Variants in STMN4 observed in about 807,000 individuals in gnomAD.
STMN4 encodes the protein stathmin 4, also known as stathmin-4.
A neutral mutation model predicts 29.1 loss-of-function variants in STMN4; 12 were observed. That is an observed-to-expected ratio of 0.41 (90% CI 0.26 to 0.67). STMN4 has a LOEUF of 0.67. STMN4 is among the 30% of genes least tolerant of loss of function. STMN4 has a pLI of 0.30. For synonymous variants in STMN4, 114 were observed against 105.3 expected (o/e 1.08, Z -0.51); for missense variants, 181 against 262.8 (o/e 0.69, Z 2.15).
chr8:27,242,611 G>GTTTGGGATC (rs1801509197), intron 2 of STMN4, 119 bp from the exon 3 acceptor site: 1 of 919,054 alleles, frequency 1.1e-6, no homozygotes, highest in Non-Finnish European at 1.7e-6. Flanking sequence ...AACCACGCAG[G>GTTTGGGATC]CACACGCCAA....
Position 27,243,762 on chromosome 8 carries a change from CAG to C in STMN4, c.-41_-40del. 6.2e-7 allele frequency: 1 copy of C among 1,614,092 alleles called. No individual in the cohort carries two copies. The highest frequency in any genetic ancestry group is 8.5e-7 in the Non-Finnish European group (1 of 1,180,014). On this transcript the variant is annotated 5_prime_UTR_variant, in exon 2 of 7. Transcript: ENST00000350889. ...GGTGGCTGAATCTAGCTGAAAGTTA[CAG>C]AGTGGGTCTGTCACCAGCTTGGGAC...
intron 2 of STMN4, 65 bp from the exon 3 acceptor site, chr8:27,242,557 G>C: frequency 6.5e-7 from 1 of 1,537,686 alleles, no homozygotes. Flanking sequence ...GCGTCCTCAC[G>C]GGTCTGGGGC....
intron 2 of STMN4, 32 bp from the exon 3 acceptor site, chr8:27,242,524 G>A (rs1226037424): frequency 3.1e-6 from 5 of 1,600,740 alleles, no homozygotes; most frequent in East Asian, 2.2e-5. Context: ...TGAGGATGGC[G>A]CCTCTCCTAG....
rs765022044 is a variant in STMN4 at position 27,243,735 on chromosome 8, CT to C, written c.-13del. 2 of 1,614,112 alleles carry C rather than the reference CT, an allele frequency of 1.2e-6. No individual in the cohort carries two copies. Among genetic ancestry groups the C allele is most frequent in the Admixed American group, 3.3e-5 (2 of 60,006 alleles). On this transcript the variant is annotated 5_prime_UTR_variant, in exon 2 of 7. Transcript: ENST00000350889. ...CCAGCAAGGGTCATGTTTCTGGGAT[CT>C]GGTGGCTGAATCTAGCTGAAAGTTA...
chr8:27,239,233 C>T (rs772461521), intron 6 of STMN4: 39 of 1,535,406 alleles, frequency 2.5e-5, no homozygotes, highest in Middle Eastern at 3.3e-4. Flanking sequence ...CACCATGGGA[C>T]GAGGCCACCG....
intron 1 of STMN4, among the ~76,000 whole-genome samples, chr8:27,251,241 A>C (rs1300089220): frequency 1.3e-5 from 2 of 151,034 alleles, no homozygotes; most frequent in African/African-American, 4.9e-5. Flanking sequence ...TGAAAGAGTG[A>C]GACTTCATCT....
At chr8:27,248,608 TAAC>T (rs1183795076) in intron 1 of STMN4, among the ~76,000 whole-genome samples, 1 of 151,126 alleles carries the variant, frequency 6.6e-6, no homozygotes, top group Non-Finnish European at 1.5e-5. Context: ...ATAGCAATAA[TAAC>T]AACTACCATT....
At chr8:27,242,579 C>T (rs1801508186) in intron 2 of STMN4, 87 bp from the exon 3 acceptor site, 1 of 1,393,834 alleles carries the variant, frequency 7.2e-7, no homozygotes, top group Non-Finnish European at 1.0e-6. Context: ...CTGAGCAGCC[C>T]AGGGTTCCAT....
chr8:27,236,832 T>C lies in STMN4; in HGVS notation c.*14A>G, dbSNP rs1226064495. On this transcript the variant is annotated 3_prime_UTR_variant, in exon 7 of 7. Transcript: ENST00000350889. ...CTGTCCGGCTGACCTGGAAAGTTCT[T>C]TGGCCTCTAGGCTTTACCTGGAGGC... 1.3e-6 allele frequency: 2 copies of C among 1,594,460 alleles called. No homozygotes were observed. The highest frequency in any genetic ancestry group is 1.8e-5 in the Admixed American group (1 of 56,724).
intron 6 of STMN4, chr8:27,239,474 A>G (rs925973917): frequency 8.5e-5 from 59 of 695,896 alleles, no homozygotes; most frequent in Non-Finnish European, 1.3e-4. Context: ...AAGGCAACAT[A>G]TTGGAAAGAC....
At position 27,243,797 on chromosome 8, in the gene STMN4, C is replaced by G; in HGVS notation, c.-74G>C. 1 of 1,614,026 alleles carries G rather than the reference C, an allele frequency of 6.2e-7. No individual in the cohort carries two copies. Among genetic ancestry groups the G allele is most frequent in the South Asian group, 1.1e-5 (1 of 91,062 alleles). On this transcript the variant is annotated 5_prime_UTR_variant, in exon 2 of 7. Transcript: ENST00000350889. The stretch of plus-strand genomic sequence containing the variant: ...CTGTCACCAGCTTGGGACGCTGTCA[C>G]CAACCTGAGAAAAGGGGAGGACAGG...
intron 1 of STMN4, 57 bp from the exon 2 acceptor site, chr8:27,243,858 T>C (rs1801549101): frequency 6.6e-7 from 1 of 1,504,272 alleles, no homozygotes; most frequent in Non-Finnish European, 9.2e-7. Context: ...GTTATTCTCA[T>C]AAGAAAGGTC....
At position 27,241,733 on chromosome 8, in the gene STMN4, C is replaced by T; in HGVS notation, c.134G>A (p.Arg45Lys). The change falls in exon 4 of 7, where the codon AGG (arginine) becomes AAG (lysine). Residue 45 changes from arginine (R) to lysine (K), a missense_variant. Arg to Lys is a conservative substitution (Grantham distance 26). Coordinates refer to ENST00000350889, the MANE Select transcript of STMN4 (RefSeq NM_030795.4). The part of the protein sequence containing the change: ...YEGWCGRQCR[R>K]KDESQRKDSA... The stretch of plus-strand genomic sequence containing the variant: ...GTCTTTCCGCTGGCTTTCATCCTTC[C>T]TCCTACACTGTCTCCCACACCAGCC... The T allele has an allele frequency of 1.2e-6, 2 of 1,614,176 alleles. No individual in the cohort carries two copies. The highest frequency in any genetic ancestry group is 1.7e-6 in the Non-Finnish European group (2 of 1,180,028).
At chr8:27,243,603 C>A (rs1043833382) in intron 2 of STMN4, 108 bp downstream of exon 2, 24 of 1,217,290 alleles carry the variant, frequency 2.0e-5, no homozygotes, top group Admixed American at 3.4e-5. Flanking sequence ...CCCCCACACA[C>A]CCCGTGTGCT....
chr8:27,256,366 G>T (rs4733043), intron 1 of STMN4, among the ~76,000 whole-genome samples: 1 of 151,704 alleles, frequency 6.6e-6, no homozygotes, highest in African/African-American at 2.4e-5. Flanking sequence ...TGTATTTACC[G>T]CAGTTAAAAA....
chr8:27,247,648 C>T (rs57912615), intron 1 of STMN4, among the ~76,000 whole-genome samples: 3,400 of 152,188 alleles, frequency 0.022, 137 homozygotes, highest in African/African-American at 0.074. Context: ...TGCAAGGGAG[C>T]GAGGGCCACC....
rs1000145256 is a variant in STMN4 at position 27,238,044 on chromosome 8, C to T, written c.592-1139G>A. ...GGTTTTCAGGATAAACTATAAACTA[C>T]GAATCTGTCCCTGCAGACACCCTAG... On this transcript the variant is annotated intron_variant, in intron 6 of 6. Transcript: ENST00000350889. 7.2e-5 allele frequency among the ~76,000 whole-genome samples: 11 copies of T among 152,248 alleles called. No individual in the cohort carries two copies. The South Asian group carries it at 8.3e-4, about 11-fold the overall frequency.
chr8:27,246,301 T>C (rs1801621920), intron 1 of STMN4, among the ~76,000 whole-genome samples: 1 of 152,184 alleles, frequency 6.6e-6, no homozygotes, highest in African/African-American at 2.4e-5. Context: ...GTATGCATGG[T>C]CATGATCAAG....
chr8:27,241,576 T>C, intron 4 of STMN4, 101 bp downstream of exon 4: 2 of 1,398,636 alleles, frequency 1.4e-6, no homozygotes, highest in South Asian at 1.2e-5. Flanking sequence ...CAATTTGTCG[T>C]CCGTGGTGAC....
Sources: allele counts gnomAD v4.1 joint callset (sites outside exome capture counted in the v4.1 genomes callset), GRCh38; gene constraint gnomAD v4.1.1; transcripts MANE v1.5; gene names NCBI Gene and HGNC (gene_info 2026-07-23, HGNC 2026-07-21).